MX2: variants seen among roughly 807,000 people sequenced by gnomAD.
MX2 encodes the protein MX dynamin like GTPase 2, also known as interferon-induced GTP-binding protein Mx2.
MX2 carries 51 observed loss-of-function variants against 74.0 expected under a neutral mutation model. The observed-to-expected ratio is 0.69, with a 90% confidence interval of 0.55 to 0.87. MX2 has a LOEUF of 0.87. Among genes scored for constraint, MX2 ranks in the 40% least tolerant of loss-of-function variants. MX2 has a pLI of 0.00. For synonymous variants in MX2, 369 were observed against 339.3 expected, an observed-to-expected ratio of 1.09 and a Z score of -0.96; for missense variants, 832 against 908.7, an observed-to-expected ratio of 0.92 and a Z score of 1.09.
intron 10 of MX2, among the ~76,000 whole-genome samples, chr21:41,400,227 A>G (rs2089793446): frequency 6.6e-6 from 1 of 152,234 alleles, no homozygotes; most frequent in Non-Finnish European, 1.5e-5. Context: ...GGGGGAATCC[A>G]CATGAAATCG....
At chr21:41,381,684 C>CAAAAAAAAAAAAAAAAAAAAAAA (rs57350601) in intron 4 of MX2, among the ~76,000 whole-genome samples, 2 of 58,444 alleles carry the variant, frequency 3.4e-5, no homozygotes, top group African/African-American at 1.1e-4. Flanking sequence ...GACTCTGTCT[C>CAAAAAAAAAAAAAAAAAAAAAAA]AAAAAAAAAA....
intron 2 of MX2, 131 bp downstream of exon 2, chr21:41,377,286 C>T: frequency 7.8e-7 from 1 of 1,276,732 alleles, no homozygotes; most frequent in Non-Finnish European, 1.1e-6. Flanking sequence ...CTCCAGCTCT[C>T]CTGGTCATGC....
chr21:41,397,023 C>G (rs1159628203), intron 7 of MX2, among the ~76,000 whole-genome samples: 1 of 152,216 alleles, frequency 6.6e-6, no homozygotes, highest in African/African-American at 2.4e-5. Flanking sequence ...GAAATCCTTG[C>G]ATGCCTGCTT....
At chr21:41,405,701 CTTT>C (rs58741218) in intron 12 of MX2, among the ~76,000 whole-genome samples, 2 of 133,786 alleles carry the variant, frequency 1.5e-5, no homozygotes, top group Admixed American at 8.6e-5. Flanking sequence ...TCTTTCTTTC[CTTT>C]TTTTTTTTTT....
At chr21:41,371,427 A>C (rs1423033359) in intron 1 of MX2, among the ~76,000 whole-genome samples, 1 of 152,128 alleles carries the variant, frequency 6.6e-6, no homozygotes, top group African/African-American at 2.4e-5. Context: ...AGAGGTCTGA[A>C]AAGTTTTTGC....
intron 4 of MX2, among the ~76,000 whole-genome samples, chr21:41,381,963 C>T (rs1172292943): frequency 6.6e-6 from 1 of 152,200 alleles, no homozygotes; most frequent in Non-Finnish European, 1.5e-5. Context: ...AGCCATGATG[C>T]ATTTAGGAAC....
intron 12 of MX2, among the ~76,000 whole-genome samples, chr21:41,406,538 C>T (rs1207223976): frequency 2.0e-5 from 3 of 152,082 alleles, no homozygotes; most frequent in Admixed American, 6.5e-5. Context: ...GAAGGTATGT[C>T]GCAAGTGGGG....
At chr21:41,394,461 A>ATT (rs1407266560) in intron 6 of MX2, among the ~76,000 whole-genome samples, 2 of 152,078 alleles carry the variant, frequency 1.3e-5, no homozygotes, top group Admixed American at 1.3e-4. Flanking sequence ...TTGAGACTAC[A>ATT]TCACGCACCG....
At chr21:41,407,765 C>G (rs1227198449) in intron 13 of MX2, among the ~76,000 whole-genome samples, 2 of 152,038 alleles carry the variant, frequency 1.3e-5, no homozygotes, top group African/African-American at 4.8e-5. Flanking sequence ...TGCTAGCCTA[C>G]CAGGGGGCTT....
chr21:41,386,274 G>A (rs1197176542), intron 5 of MX2, among the ~76,000 whole-genome samples: 4 of 127,240 alleles, frequency 3.1e-5, no homozygotes, highest in African/African-American at 3.0e-5. Flanking sequence ...ACAATAAAGC[G>A]AAGCACAATA....
rs555084015 is a variant in MX2, at chr21:41,380,546, C to G, written c.577+395C>G. Among the ~76,000 whole-genome samples the G allele has an allele frequency of 6.2e-4, 95 of 152,298 alleles. No individual in the cohort carries two copies. The highest frequency in any genetic ancestry group is 2.1e-3 in the African/African-American group (89 of 41,554). Reference sequence around the variant, plus strand: ...TTTGGATCTCAGGTCACCTGCGCCCCCTTTGGAAATGCTGCTGCAGGACCC... The same window carrying G: ...TTTGGATCTCAGGTCACCTGCGCCCGCTTTGGAAATGCTGCTGCAGGACCC... On this transcript the variant is annotated intron_variant, in intron 4 of 13. Transcript: ENST00000330714. The surrounding 1 kb of genome is among the most constrained non-coding windows in gnomAD (Gnocchi z 4.3).
At chr21:41,384,469 T>A (rs2089542373) in intron 5 of MX2, among the ~76,000 whole-genome samples, 1 of 152,142 alleles carries the variant, frequency 6.6e-6, no homozygotes, top group African/African-American at 2.4e-5. Context: ...AAGTGTGCGG[T>A]CTCTCTAAGC....
Position 41,409,312 on chromosome 21 carries a change from ATTTTC to A in MX2, c.*1087_*1091del, listed in dbSNP as rs2089924563. ...ACACCAGTGATCATCATTATGGGTAATTTTCTTTTCTTCTTCATGTTTTCCTGTAT... is the reference window on the plus strand; with the variant it reads ...ACACCAGTGATCATCATTATGGGTAATTTTCTTCTTCATGTTTTCCTGTAT... On this transcript the variant is annotated 3_prime_UTR_variant, in exon 14 of 14. Transcript: ENST00000330714. 1 of 152,088 alleles carries A rather than the reference ATTTTC, an allele frequency of 6.6e-6. No individual in the cohort carries two copies. Among genetic ancestry groups the A allele is most frequent in the Non-Finnish European group, 1.5e-5 (1 of 68,016 alleles). The allele number at this position is 152,088 out of a possible 1,614,324, so 9.4% of individuals were successfully genotyped here. A position where few individuals can be genotyped will look rare whatever the true frequency, so the allele number is the denominator to read the frequency against.
chr21:41,400,666 G>A (rs1019800441), intron 10 of MX2, among the ~76,000 whole-genome samples: 21 of 151,894 alleles, frequency 1.4e-4, no homozygotes, highest in African/African-American at 5.1e-4. Flanking sequence ...TTCTTTCCAA[G>A]GTGGCAGGAG....
rs774152212 is a variant in MX2, at chr21:41,403,249, T to C, written c.1574-18T>C. 1 of 1,505,042 alleles carries C rather than the reference T, an allele frequency of 6.6e-7. No homozygotes were observed. The highest frequency in any genetic ancestry group is 9.0e-7 in the Non-Finnish European group (1 of 1,114,074). The allele number at this position is 1,505,042 out of a possible 1,614,324, so 93.2% of individuals were successfully genotyped here. A position where few individuals can be genotyped will look rare whatever the true frequency, so the allele number is the denominator to read the frequency against. ...CTGATGTTTTCTTCTTCTTCTCCTT[T>C]TTGCTTTTTTTGGTCAGAAATTATC... On this transcript the variant is annotated intron_variant, in intron 11 of 13. Transcript: ENST00000330714.
chr21:41,381,924 G>T (rs940493063), intron 4 of MX2, among the ~76,000 whole-genome samples: 3 of 152,112 alleles, frequency 2.0e-5, no homozygotes, highest in Admixed American at 2.0e-4. Context: ...TTCCCCTAGG[G>T]CTAGTCATCC....
chr21:41,386,180 A>G (rs2089571042), intron 5 of MX2, among the ~76,000 whole-genome samples: 1 of 129,154 alleles, frequency 7.7e-6, no homozygotes, highest in Admixed American at 9.1e-5. Flanking sequence ...AGATCACGCC[A>G]CTGCACTACA....
chr21:41,362,750 CTTT>C (rs56903696), intron 1 of MX2, among the ~76,000 whole-genome samples: 3 of 82,158 alleles, frequency 3.7e-5, no homozygotes, highest in South Asian at 9.9e-4. Flanking sequence ...GTTTTTTTTT[CTTT>C]TTTTTTTTTT....
At chr21:41,376,371 T>TA (rs1214310921) in intron 1 of MX2, among the ~76,000 whole-genome samples, 2 of 152,052 alleles carry the variant, frequency 1.3e-5, no homozygotes, top group African/African-American at 4.8e-5. Context: ...CCCATCTCTA[T>TA]AAAAAATACA....
Sources: allele counts gnomAD v4.1 joint callset (sites outside exome capture counted in the v4.1 genomes callset), GRCh38; gene constraint gnomAD v4.1.1; non-coding constraint Gnocchi (gnomAD v3.1); transcripts MANE v1.5; gene names NCBI Gene and HGNC (gene_info 2026-07-23, HGNC 2026-07-21).